AP4E1: variants seen among roughly 807,000 people sequenced by gnomAD.
The protein encoded by AP4E1 is AP-4 complex subunit epsilon-1.
In AP4E1, 56 loss-of-function variants were observed where a neutral mutation model predicts 128.2. The ratio of observed to expected loss-of-function variants is 0.44; its 90% CI spans 0.35 to 0.55. The LOEUF is 0.55. Ranked by LOEUF, AP4E1 falls within the 20% of genes least tolerant of loss-of-function variation. The pLI, the probability that AP4E1 is intolerant of heterozygous loss-of-function variation, is 0.00. For missense variants in AP4E1, 1,324 were observed against 1,307.7 expected (o/e 1.01, Z -0.19); for synonymous variants, 484 against 473.1 (o/e 1.02, Z -0.30).
chr15:50,957,903 C>G (rs2064251766), intron 13 of AP4E1, among the ~76,000 whole-genome samples: 1 of 151,916 alleles, frequency 6.6e-6, no homozygotes, highest in Non-Finnish European at 1.5e-5. Flanking sequence ...TTTCAAACTC[C>G]TCAGGTGATC....
At chr15:50,944,428 A>T (rs1418657602) in intron 10 of AP4E1, among the ~76,000 whole-genome samples, 1 of 152,202 alleles carries the variant, frequency 6.6e-6, no homozygotes, top group Non-Finnish European at 1.5e-5. Context: ...ATGGTCTTAG[A>T]ATAGGAAATA....
chr15:50,908,568 G>T (rs1205399670), upstream of AP4E1: 9 of 529,584 alleles, frequency 1.7e-5, no homozygotes, highest in South Asian at 1.2e-4. Context: ...AATCTCGAGC[G>T]AGCGGCCTTT....
At chr15:50,954,816 G>T (rs919622988) in intron 13 of AP4E1, among the ~76,000 whole-genome samples, 1 of 152,094 alleles carries the variant, frequency 6.6e-6, no homozygotes, top group Non-Finnish European at 1.5e-5. Context: ...TTTACATTAG[G>T]TATATCTCCT....
intron 10 of AP4E1, chr15:50,944,806 A>C (rs1307657990): frequency 2.9e-6 from 2 of 695,806 alleles, no homozygotes; most frequent in Non-Finnish European, 5.2e-6. Flanking sequence ...AATGCTACCA[A>C]AATGGAATGA....
intron 14 of AP4E1, among the ~76,000 whole-genome samples, chr15:50,959,337 A>G (rs183919516): frequency 5.9e-5 from 9 of 152,348 alleles, no homozygotes; most frequent in Non-Finnish European, 1.0e-4. Flanking sequence ...AGTCACACAT[A>G]TAAGAGTATT....
chr15:50,966,008 C>G (rs991479126), intron 14 of AP4E1, among the ~76,000 whole-genome samples: 1 of 152,054 alleles, frequency 6.6e-6, no homozygotes, highest in African/African-American at 2.4e-5. Flanking sequence ...ACCTCTGCCT[C>G]CCGGGTTCAA....
At chr15:50,999,378 C>T (rs941642651) in intron 19 of AP4E1, 116 bp downstream of exon 19, 3 of 851,526 alleles carry the variant, frequency 3.5e-6, no homozygotes, top group East Asian at 2.7e-5. Flanking sequence ...TTAAAAACTA[C>T]GCACAGTTCC....
chr15:50,969,935 C>A (rs558485167), intron 15 of AP4E1, among the ~76,000 whole-genome samples: 43 of 152,200 alleles, frequency 2.8e-4, no homozygotes, highest in South Asian at 6.2e-4. Context: ...CTGGGACTAC[C>A]GGCGTGAGCC....
chr15:50,985,488 T>G (rs2064707698), intron 16 of AP4E1, among the ~76,000 whole-genome samples: 1 of 152,238 alleles, frequency 6.6e-6, no homozygotes, highest in Non-Finnish European at 1.5e-5. Flanking sequence ...AATTTTTGTA[T>G]AAGGTGTAAG....
At chr15:50,994,115 A>T (rs1318302112) in intron 17 of AP4E1, among the ~76,000 whole-genome samples, 1 of 152,232 alleles carries the variant, frequency 6.6e-6, no homozygotes, top group Non-Finnish European at 1.5e-5. Flanking sequence ...TATATTAAAC[A>T]AAAAGTACAG....
chr15:50,980,167 G>T (rs1050714892), intron 15 of AP4E1, among the ~76,000 whole-genome samples: 1 of 152,152 alleles, frequency 6.6e-6, no homozygotes, highest in African/African-American at 2.4e-5. Flanking sequence ...TTACTTAAGT[G>T]TACTTAATCT....
chr15:50,988,840 C>G (rs2064766033), intron 16 of AP4E1, among the ~76,000 whole-genome samples: 2 of 152,148 alleles, frequency 1.3e-5, no homozygotes, highest in Admixed American at 1.3e-4. Flanking sequence ...GCTGAAAATG[C>G]TTTCAGAGTT....
intron 10 of AP4E1, chr15:50,945,755 C>G: frequency 1.3e-6 from 1 of 766,386 alleles, no homozygotes; most frequent in Middle Eastern, 2.6e-4. Flanking sequence ...GTGCTTACAT[C>G]ATGAGAAAAA....
chr15:50,936,951 A>G (rs1302129524), intron 8 of AP4E1, among the ~76,000 whole-genome samples: 4 of 151,904 alleles, frequency 2.6e-5, no homozygotes, highest in South Asian at 2.1e-4. Flanking sequence ...AAAAAAAAAA[A>G]TGATTGCTTG....
At chr15:50,934,505 A>G in intron 7 of AP4E1, 119 bp from the exon 8 acceptor site, 2 of 689,962 alleles carry the variant, frequency 2.9e-6, no homozygotes, top group Non-Finnish European at 2.6e-6. Context: ...ACTTCATCAT[A>G]AAATGAATTT....
At chr15:50,940,440 C>A (rs974251557) in intron 8 of AP4E1, among the ~76,000 whole-genome samples, 1 of 151,932 alleles carries the variant, frequency 6.6e-6, no homozygotes, top group Non-Finnish European at 1.5e-5. Context: ...AATCGATAGG[C>A]AACATAGTGT....
At chr15:50,922,745 T>C (rs955837158) in intron 3 of AP4E1, among the ~76,000 whole-genome samples, 1 of 151,888 alleles carries the variant, frequency 6.6e-6, no homozygotes, top group Non-Finnish European at 1.5e-5. Context: ...CACCATGTGA[T>C]AGATTGGACC....
intron 16 of AP4E1, among the ~76,000 whole-genome samples, chr15:50,986,636 C>G (rs191317323): frequency 0.011 from 1,687 of 152,258 alleles, 29 homozygotes; most frequent in African/African-American, 0.039. Flanking sequence ...ATTGAACCAG[C>G]CTTGCATCCC....
chr15:50,955,737 C>T (rs1305338917), intron 13 of AP4E1, among the ~76,000 whole-genome samples: 1 of 152,178 alleles, frequency 6.6e-6, no homozygotes, highest in South Asian at 2.1e-4. Flanking sequence ...TCCACTGACA[C>T]TGCAGGGGAG....
Sources: allele counts gnomAD v4.1 joint callset (sites outside exome capture counted in the v4.1 genomes callset), GRCh38; gene constraint gnomAD v4.1.1; transcripts MANE v1.5; gene names NCBI Gene and HGNC (gene_info 2026-07-23, HGNC 2026-07-21).